DSCAM: variants seen among roughly 807,000 people sequenced by gnomAD.
DSCAM encodes cell adhesion molecule DSCAM.
Under a neutral mutation model 217.7 loss-of-function variants are expected in DSCAM, and 47 were observed. The ratio of observed to expected loss-of-function variants is 0.22; its 90% confidence interval spans 0.17 to 0.28. The LOEUF is 0.28. Among genes scored for constraint, DSCAM ranks in the 10% least tolerant of loss-of-function variants. The pLI is 1.00. For missense variants in DSCAM, 2,080 were observed against 2,618.3 expected, an observed-to-expected ratio of 0.79 and a Z score of 4.49; for synonymous variants, 1,056 against 1,015.3, an observed-to-expected ratio of 1.04 and a Z score of -0.76.
chr21:40,485,028 T>C (rs543980867), intron 3 of DSCAM, among the ~76,000 whole-genome samples: 153 of 152,208 alleles, frequency 1.0e-3, no homozygotes, highest in African/African-American at 3.0e-3. Context: ...TTAGAGACGC[T>C]TCCAGAGTCT....
intron 6 of DSCAM, among the ~76,000 whole-genome samples, chr21:40,344,325 T>C (rs890797154): frequency 6.6e-6 from 1 of 152,250 alleles, no homozygotes; most frequent in Non-Finnish European, 1.5e-5. Context: ...TATAGATATG[T>C]CTCCATTTTA....
intron 3 of DSCAM, among the ~76,000 whole-genome samples, chr21:40,546,706 G>A (rs772398768): frequency 2.0e-5 from 3 of 152,166 alleles, no homozygotes; most frequent in African/African-American, 7.2e-5. Flanking sequence ...ATACAAATAA[G>A]TTTGATTTAG....
At chr21:40,562,201 G>A (rs189519589) in intron 3 of DSCAM, among the ~76,000 whole-genome samples, 1 of 152,184 alleles carries the variant, frequency 6.6e-6, no homozygotes. Context: ...GGTGGGAGGT[G>A]ACTGGATCAA....
intron 1 of DSCAM, among the ~76,000 whole-genome samples, chr21:40,843,517 T>A (rs2092119443): frequency 6.6e-6 from 1 of 152,176 alleles, no homozygotes; most frequent in African/African-American, 2.4e-5. Context: ...GCAATAATTT[T>A]AAACTAGAAT....
At position 40,738,740 on chromosome 21, in the gene DSCAM, G is replaced by A. The variant is rs1048667125; in HGVS notation, c.44-29969C>T. Among the ~76,000 whole-genome samples the A allele has an allele frequency of 7.9e-5, 12 of 152,306 alleles. No homozygotes were observed. The South Asian group carries it at 8.3e-4, about 11-fold the overall frequency. On this transcript the variant is annotated intron_variant, in intron 1 of 32. Transcript: ENST00000400454. ...CGCATCTCACAAATCATCGAGTGAC[G>A]TTGATGCTGCCAGTCAGGGGACCAC... is the stretch of plus-strand genomic sequence containing the variant.
At chr21:40,290,426 G>C (rs148868893) in intron 10 of DSCAM, among the ~76,000 whole-genome samples, 13 of 152,214 alleles carry the variant, frequency 8.5e-5, no homozygotes, top group African/African-American at 2.9e-4. Context: ...TTCAAGACCA[G>C]CCTGGCCAAT....
chr21:40,029,326 G>GA (rs1447355413), intron 32 of DSCAM, among the ~76,000 whole-genome samples: 1 of 152,078 alleles, frequency 6.6e-6, no homozygotes, highest in East Asian at 1.9e-4. Flanking sequence ...TAGTGGTAGG[G>GA]AAAGCATCAG....
At chr21:40,463,373 T>A (rs1302157976) in intron 3 of DSCAM, among the ~76,000 whole-genome samples, 1 of 152,126 alleles carries the variant, frequency 6.6e-6, no homozygotes, top group African/African-American at 2.4e-5. Context: ...TCAATCAGCA[T>A]CAGAAATGCA....
At chr21:40,014,188 C>G (rs868159837) in intron 32 of DSCAM, among the ~76,000 whole-genome samples, 1 of 152,142 alleles carries the variant, frequency 6.6e-6, no homozygotes, top group African/African-American at 2.4e-5. Context: ...GTCAGGAGTT[C>G]AAGACCAGCC....
Position 40,758,891 on chromosome 21 carries a change from C to T in DSCAM, c.44-50120G>A, listed in dbSNP as rs2091302675. Among the ~76,000 whole-genome samples the T allele has an allele frequency of 1.3e-5, 2 of 152,142 alleles. 1 individual carries two copies. The highest frequency in any genetic ancestry group is 4.1e-4 in the South Asian group (2 of 4,826). The stretch of plus-strand genomic sequence containing the variant: ...TGCCCTGACAGATGATACATAGTAG[C>T]ATCTTAAAGATGTTAAGGATGACTT... On this transcript the variant is annotated intron_variant, in intron 1 of 32. Transcript: ENST00000400454.
intron 28 of DSCAM, 66 bp from the exon 29 acceptor site, chr21:40,055,906 C>T (rs1210282068): frequency 1.7e-6 from 2 of 1,174,442 alleles, no homozygotes; most frequent in East Asian, 2.4e-5. Context: ...CCAACATGCA[C>T]CTGTATACCA....
chr21:40,415,585 G>A (rs981903605), intron 3 of DSCAM, among the ~76,000 whole-genome samples: 1 of 152,212 alleles, frequency 6.6e-6, no homozygotes, highest in African/African-American at 2.4e-5. Context: ...AATCCTGAAA[G>A]GACAAAAGAA....
At chr21:40,791,975 C>G (rs1322705632) in intron 1 of DSCAM, among the ~76,000 whole-genome samples, 3 of 151,968 alleles carry the variant, frequency 2.0e-5, no homozygotes, top group Non-Finnish European at 2.9e-5. Context: ...TGGATCTTAG[C>G]AACAGAAATT....
intron 3 of DSCAM, among the ~76,000 whole-genome samples, chr21:40,472,098 G>T (rs1372521632): frequency 6.6e-6 from 1 of 152,190 alleles, no homozygotes; most frequent in Non-Finnish European, 1.5e-5. Flanking sequence ...AAGGAGCAGA[G>T]ATTTTCTAAA....
intron 3 of DSCAM, among the ~76,000 whole-genome samples, chr21:40,665,452 T>C (rs957468083): frequency 1.6e-4 from 25 of 152,284 alleles, no homozygotes; most frequent in African/African-American, 5.8e-4. Flanking sequence ...ACTGCACCTG[T>C]TCCCCTTGCC....
At chr21:40,413,312 T>C (rs941018121) in intron 3 of DSCAM, among the ~76,000 whole-genome samples, 1 of 152,092 alleles carries the variant, frequency 6.6e-6, no homozygotes, top group Non-Finnish European at 1.5e-5. Context: ...ATCATGCATC[T>C]GGAAAAGCTG....
intron 20 of DSCAM, among the ~76,000 whole-genome samples, chr21:40,105,493 A>G (rs1325528619): frequency 6.6e-6 from 1 of 152,182 alleles, no homozygotes; most frequent in African/African-American, 2.4e-5. Flanking sequence ...TGGCTTTATA[A>G]GGGGCATTTC....
intron 11 of DSCAM, among the ~76,000 whole-genome samples, chr21:40,270,441 G>A (rs559608230): frequency 8.5e-5 from 13 of 152,338 alleles, no homozygotes; most frequent in African/African-American, 3.1e-4. Context: ...GTTGGGGGAG[G>A]ACTGCTGGGG....
chr21:40,687,290 T>G (rs569331164), intron 3 of DSCAM, among the ~76,000 whole-genome samples: 32 of 152,266 alleles, frequency 2.1e-4, no homozygotes, highest in African/African-American at 7.5e-4. Context: ...GGCTTTCAGG[T>G]GACTCTAGGT....
Sources: gnomAD v4.1 joint callset for allele counts (sites outside exome capture counted in the v4.1 genomes callset) on GRCh38, gnomAD v4.1.1 for gene constraint, MANE v1.5 for transcripts, NCBI Gene and HGNC (gene_info 2026-07-23, HGNC 2026-07-21) for gene names.